The following INTS7 variants were observed in gnomAD, a reference collection of about 807,000 sequenced individuals.
INTS7 encodes the protein chromosome 1 open reading frame 73.
INTS7 carries 46 observed loss-of-function variants against 109.2 expected under a neutral mutation model. The observed-to-expected ratio is 0.42, with a 90% CI of 0.33 to 0.54. The LOEUF is 0.54. Among genes scored for constraint, INTS7 ranks in the 20% least tolerant of loss-of-function variants. INTS7 has a pLI of 0.07. For missense variants in INTS7, 929 were observed against 1,132.4 expected, an observed-to-expected ratio of 0.82 and a Z score of 2.58; for synonymous variants, 412 against 402.9, an observed-to-expected ratio of 1.02 and a Z score of -0.27.
At chr1:211,969,852 G>A (rs1664093199) in intron 13 of INTS7, among the ~76,000 whole-genome samples, 1 of 151,988 alleles carries the variant, frequency 6.6e-6, no homozygotes, top group Non-Finnish European at 1.5e-5. Context: ...CTGAGTAGCT[G>A]GGACTACAGG....
At chr1:211,974,227 C>G (rs1484172064) in intron 13 of INTS7, among the ~76,000 whole-genome samples, 1 of 140,576 alleles carries the variant, frequency 7.1e-6, no homozygotes, top group African/African-American at 2.6e-5. Flanking sequence ...TTTTCTGAGG[C>G]ATTTATTAGC....
chr1:211,951,424 C>T (rs1663082775), intron 17 of INTS7, among the ~76,000 whole-genome samples: 2 of 152,202 alleles, frequency 1.3e-5, no homozygotes, highest in African/African-American at 4.8e-5. Flanking sequence ...TCTCCTGCCT[C>T]AGCCGCCTGA....
chr1:211,978,441 A>C lies in INTS7; in HGVS notation c.1301T>G (p.Leu434Trp). ...PHLSQSVVET[L>W]LTQLHSAQDA... ...TTGAGCACTGTGCAATTGAGTCAAC[A>C]AGGTCTCAACTACTGACTGGCTAAG... The change falls in exon 11 of 20, where the codon TTG becomes TGG. Residue 434 changes from leucine (L) to tryptophan (W), a missense_variant. Physicochemically the swap from Leu to Trp is moderately conservative, Grantham distance 61 (BLOSUM62 -2). Coordinates refer to ENST00000366994, the MANE Select transcript of INTS7 (RefSeq NM_015434.4). 1 of 1,614,212 alleles carries C rather than the reference A, an allele frequency of 6.2e-7. No homozygotes were observed.
At chr1:212,030,104 A>G (rs1667087540) in intron 1 of INTS7, among the ~76,000 whole-genome samples, 1 of 152,198 alleles carries the variant, frequency 6.6e-6, no homozygotes, top group Admixed American at 6.5e-5. Context: ...ATATTTAATA[A>G]CCCACTTTGC....
At chr1:211,952,431 G>T in intron 17 of INTS7, 138 bp downstream of exon 17, 1 of 728,478 alleles carries the variant, frequency 1.4e-6, no homozygotes, top group Non-Finnish European at 2.2e-6. Context: ...ATGCTGTGAG[G>T]TAGGTATTAA....
At position 211,983,855 on chromosome 1, in the gene INTS7, G is replaced by GTT. The variant is rs35238656; in HGVS notation, c.998-1047_998-1046dup. 1.2e-3 allele frequency among the ~76,000 whole-genome samples: 182 copies of GTT among 148,602 alleles called. 1 individual carries two copies. The highest frequency in any genetic ancestry group is 6.8e-3 in the Middle Eastern group (2 of 292). On this transcript the variant is annotated intron_variant, in intron 8 of 19. Coordinates refer to ENST00000366994, the MANE Select transcript of INTS7 (RefSeq NM_015434.4). ...TTTGGGTTTTTGTTTGTTTTGTTTTGTTTTTTTTTTGAGACAGAGTCTCAC... is the reference window on the plus strand; with the variant it reads ...TTTGGGTTTTTGTTTGTTTTGTTTTGTTTTTTTTTTTTGAGACAGAGTCTCAC...
At chr1:211,985,922 AAAG>A (rs764503134) in intron 8 of INTS7, among the ~76,000 whole-genome samples, 7 of 152,258 alleles carry the variant, frequency 4.6e-5, no homozygotes, top group Non-Finnish European at 1.0e-4. Context: ...TTATGCAGAA[AAAG>A]AATACATTGA....
In INTS7 at chr1:212,020,128, G is replaced by T; in HGVS notation, c.365C>A (p.Thr122Asn). 1 of 1,598,918 alleles carries T rather than the reference G, an allele frequency of 6.3e-7. No homozygotes were observed. Among genetic ancestry groups the T allele is most frequent in the Non-Finnish European group, 8.5e-7 (1 of 1,172,146 alleles). ...HSNDPVARAI[T>N]LRMLGSLASI... is the part of the protein sequence containing the mutation. ...ATTATAATACGGTATATACCGGAGGGTGATGGCTCTTGCCACAGGATCATT... is the reference window on the plus strand; with the variant it reads ...ATTATAATACGGTATATACCGGAGGTTGATGGCTCTTGCCACAGGATCATT... The change falls in exon 3 of 20, where the codon ACC (threonine) becomes AAC (asparagine). Residue 122 changes from threonine to asparagine, a missense_variant. Thr to Asn is a moderately conservative substitution (Grantham distance 65). This residue lies in a region of INTS7 where 142 missense variants were observed against 231.4 expected (regional missense o/e 0.61). Transcript: ENST00000366994.
chr1:211,956,013 T>A (rs895851885), intron 16 of INTS7, among the ~76,000 whole-genome samples: 1 of 152,236 alleles, frequency 6.6e-6, no homozygotes, highest in Non-Finnish European at 1.5e-5. Context: ...CAGATTTGCT[T>A]TTTATCTCTG....
chr1:211,963,262 A>G (rs1429301953), intron 16 of INTS7, among the ~76,000 whole-genome samples: 1 of 152,148 alleles, frequency 6.6e-6, no homozygotes, highest in South Asian at 2.1e-4. Context: ...ATTCCTGAAC[A>G]TACACTCTCT....
chr1:212,013,910 T>C (rs1456402815), intron 4 of INTS7, among the ~76,000 whole-genome samples: 1 of 152,174 alleles, frequency 6.6e-6, no homozygotes, highest in Non-Finnish European at 1.5e-5. Flanking sequence ...TTCCTAACAA[T>C]GCATTTCTCA....
Position 212,016,187 on chromosome 1 carries a change from A to G in INTS7, c.509+699T>C, listed in dbSNP as rs10157590. ...AGCATCCATACAAATAATTATCAGT[A>G]CATATTGCTGTTATCTTAGGATAAA... On this transcript the variant is annotated intron_variant, in intron 4 of 19. Transcript: ENST00000366994. 4.7e-3 allele frequency among the ~76,000 whole-genome samples: 722 copies of G among 152,330 alleles called. 7 individuals carry two copies. Among genetic ancestry groups the G allele is most frequent in the African/African-American group, 0.017 (688 of 41,562 alleles).
intron 8 of INTS7, among the ~76,000 whole-genome samples, chr1:211,983,053 A>C (rs1402161471): frequency 6.6e-6 from 1 of 151,874 alleles, no homozygotes; most frequent in Non-Finnish European, 1.5e-5. Context: ...ATTTCTTAAA[A>C]AATATTAATA....
intron 4 of INTS7, among the ~76,000 whole-genome samples, chr1:212,012,064 G>A (rs918164804): frequency 6.6e-6 from 1 of 152,080 alleles, no homozygotes; most frequent in Non-Finnish European, 1.5e-5. Context: ...ATCCATTCCT[G>A]CACTGTTAAC....
At chr1:212,027,439 C>T (rs1221900527) in intron 1 of INTS7, among the ~76,000 whole-genome samples, 1 of 152,096 alleles carries the variant, frequency 6.6e-6, no homozygotes, top group Non-Finnish European at 1.5e-5. Flanking sequence ...GATGTGATTG[C>T]TATACCTACA....
chr1:212,033,940 G>T (rs374558799), intron 1 of INTS7, among the ~76,000 whole-genome samples: 2 of 152,028 alleles, frequency 1.3e-5, no homozygotes, highest in Non-Finnish European at 2.9e-5. Flanking sequence ...AAAATTAGCC[G>T]GGCGTGGTGG....
rs1662853546 is a variant in INTS7, at chr1:211,946,525, A to C, written c.2415+82T>G. The C allele has an allele frequency of 1.8e-5, 14 of 791,152 alleles. No individual in the cohort carries two copies. The South Asian group carries it at 2.2e-4, about 13-fold the overall frequency. 49.0% of individuals were successfully genotyped at this position (791,152 alleles called of 1,614,324 possible). A position where few individuals can be genotyped will look rare whatever the true frequency, so the allele number is the denominator to read the frequency against. On this transcript the variant is annotated intron_variant, in intron 18 of 19. Coordinates refer to ENST00000366994, the MANE Select transcript of INTS7 (RefSeq NM_015434.4). The surrounding 1 kb of genome is among the most constrained non-coding windows in gnomAD (Gnocchi z 4.3). ...CCAATAAACCAAAGGTAACACACTG[A>C]AGTGTAGCTATGTCCTACATAATCT...
intron 13 of INTS7, among the ~76,000 whole-genome samples, chr1:211,972,985 C>A (rs544611854): frequency 6.6e-6 from 1 of 152,234 alleles, no homozygotes; most frequent in African/African-American, 2.4e-5. Context: ...TTTTTTGAGA[C>A]AGAGTCTCAG....
chr1:211,983,663 T>G (rs933982064), intron 8 of INTS7, among the ~76,000 whole-genome samples: 5 of 152,190 alleles, frequency 3.3e-5, no homozygotes, highest in African/African-American at 1.2e-4. Flanking sequence ...CAACTTCAAC[T>G]TTGTTTCTCA....
Sources: allele counts gnomAD v4.1 joint callset (sites outside exome capture counted in the v4.1 genomes callset), GRCh38; gene constraint gnomAD v4.1.1; regional missense constraint gnomAD v4.1.1; non-coding constraint Gnocchi (gnomAD v3.1); transcripts MANE v1.5; gene names NCBI Gene and HGNC (gene_info 2026-07-23, HGNC 2026-07-21).